Variants in MTR observed in about 807,000 individuals in gnomAD.
MTR encodes 5-methyltetrahydrofolate-homocysteine methyltransferase.
Under a neutral mutation model 154.8 loss-of-function variants are expected in MTR, and 84 were observed. The observed-to-expected ratio is 0.54, with a 90% CI of 0.45 to 0.65. MTR has a LOEUF of 0.65. MTR is among the 30% of genes least tolerant of loss of function. The pLI, the probability that MTR is intolerant of heterozygous loss-of-function variation, is 0.00. For synonymous variants in MTR, 554 were observed against 553.9 expected, an observed-to-expected ratio of 1.00 and a Z score of 0.00; for missense variants, 1,275 against 1,570.2, an observed-to-expected ratio of 0.81 and a Z score of 3.18.
chr1:236,802,685 A>G (rs941475000), intron 1 of MTR, among the ~76,000 whole-genome samples: 2 of 152,142 alleles, frequency 1.3e-5, no homozygotes, highest in African/African-American at 4.8e-5. Flanking sequence ...TGCTAAAAAA[A>G]AAAGTAGAAA....
chr1:236,876,480 G>T (rs1382660882), intron 24 of MTR, among the ~76,000 whole-genome samples: 1 of 152,046 alleles, frequency 6.6e-6, no homozygotes, highest in East Asian at 1.9e-4. Context: ...GAGGACCTAT[G>T]GACTGTTGTC....
At chr1:236,815,984 C>T (rs1572202350) in intron 7 of MTR, among the ~76,000 whole-genome samples, 1 of 152,300 alleles carries the variant, frequency 6.6e-6, no homozygotes, top group East Asian at 1.9e-4. Context: ...ATGCTGATGG[C>T]CACATACCCA....
chr1:236,895,661 A>G (rs1666584226), intron 31 of MTR, 111 bp downstream of exon 31: 1 of 1,138,072 alleles, frequency 8.8e-7, no homozygotes, highest in Non-Finnish European at 1.3e-6. Flanking sequence ...GCTTCTAATC[A>G]CATTGTCCCT....
At chr1:236,795,793 G>T in intron 1 of MTR, 56 bp downstream of exon 1, 2 of 1,612,962 alleles carry the variant, frequency 1.2e-6, no homozygotes, top group Non-Finnish European at 1.7e-6. Context: ...TCGTGCTGTG[G>T]CCTCCTAATC....
At chr1:236,825,547 G>A in intron 10 of MTR, 148 bp downstream of exon 10, 1 of 815,152 alleles carries the variant, frequency 1.2e-6, no homozygotes, top group Non-Finnish European at 2.1e-6. Flanking sequence ...TAAGGTACTA[G>A]AGGCACAGGG....
chr1:236,808,452 T>C (rs1390884379), intron 3 of MTR, among the ~76,000 whole-genome samples: 1 of 152,184 alleles, frequency 6.6e-6, no homozygotes, highest in Non-Finnish European at 1.5e-5. Context: ...GTCTAGGGAT[T>C]GCCCTTTTTA....
At chr1:236,812,949 T>A in intron 6 of MTR, 105 bp downstream of exon 6, 1 of 888,124 alleles carries the variant, frequency 1.1e-6, no homozygotes. Flanking sequence ...TTAAATAAAT[T>A]ACCTGTATTT....
chr1:236,805,582 C>T (rs1218974631), intron 2 of MTR, among the ~76,000 whole-genome samples: 1 of 152,134 alleles, frequency 6.6e-6, no homozygotes, highest in Non-Finnish European at 1.5e-5. Flanking sequence ...CTCACTTGAA[C>T]CTCTGGGCCC....
intron 2 of MTR, among the ~76,000 whole-genome samples, chr1:236,804,085 A>G (rs1205700954): frequency 1.3e-5 from 2 of 152,216 alleles, no homozygotes; most frequent in Admixed American, 6.5e-5. Flanking sequence ...TCCACAGTCA[A>G]AGTGCCAGCA....
chr1:236,868,382 CT>C (rs1664938160), intron 22 of MTR, among the ~76,000 whole-genome samples: 1 of 152,068 alleles, frequency 6.6e-6, no homozygotes, highest in Non-Finnish European at 1.5e-5. Flanking sequence ...GTGAACATAA[CT>C]TTTATATGCA....
In MTR at chr1:236,900,008, C is replaced by A; in HGVS notation, c.*2364C>A. On this transcript the variant is annotated 3_prime_UTR_variant, in exon 33 of 33. Coordinates refer to ENST00000366577, the MANE Select transcript of MTR (RefSeq NM_000254.3). ...CACCACTGCTTTAAAAAACAATTAT[C>A]CCTTACAGACTTGAACATTTGCAGA... 2 of 211,804 alleles carry A rather than the reference C, an allele frequency of 9.4e-6. No homozygotes were observed. The highest frequency in any genetic ancestry group is 1.4e-4 in the South Asian group (2 of 14,306). The allele number at this position is 211,804 out of a possible 1,614,324, so 13.1% of individuals were successfully genotyped here.
At chr1:236,809,214 T>C (rs188458181) in intron 4 of MTR, among the ~76,000 whole-genome samples, 177 of 152,338 alleles carry the variant, frequency 1.2e-3, no homozygotes, top group African/African-American at 3.8e-3. Flanking sequence ...GGTAAAGATA[T>C]TGCCTTTCAA....
At chr1:236,809,504 A>C (rs930185998) in intron 4 of MTR, among the ~76,000 whole-genome samples, 2 of 152,270 alleles carry the variant, frequency 1.3e-5, no homozygotes, top group Non-Finnish European at 2.9e-5. Flanking sequence ...CATACTAATG[A>C]AGACCAAAGC....
intron 15 of MTR, among the ~76,000 whole-genome samples, chr1:236,849,178 C>G (rs1335514745): frequency 6.6e-6 from 1 of 152,168 alleles, no homozygotes; most frequent in Non-Finnish European, 1.5e-5. Flanking sequence ...GATCTGAAGA[C>G]AGTTTCCATG....
At chr1:236,881,919 A>G (rs1022079064) in intron 25 of MTR, among the ~76,000 whole-genome samples, 1 of 152,042 alleles carries the variant, frequency 6.6e-6, no homozygotes, top group African/African-American at 2.4e-5. Context: ...GAGATTAGGA[A>G]CTCTGCTGAG....
At chr1:236,797,232 C>T (rs1267001763) in intron 1 of MTR, among the ~76,000 whole-genome samples, 1 of 152,142 alleles carries the variant, frequency 6.6e-6, no homozygotes, top group East Asian at 1.9e-4. Flanking sequence ...GGATTAGAAT[C>T]AGGTTTTAAC....
chr1:236,803,657 G>A lies in MTR; in HGVS notation c.249+15G>A. ...AAATCCATAAGGTAAAGTATTCCCAGGTTCCCATGTGTATTCATTCTGTTA... is the reference window on the plus strand; with the variant it reads ...AAATCCATAAGGTAAAGTATTCCCAAGTTCCCATGTGTATTCATTCTGTTA... On this transcript the variant is annotated intron_variant, in intron 2 of 32. Transcript: ENST00000366577. The A allele has an allele frequency of 6.2e-7, 1 of 1,609,350 alleles. No individual in the cohort carries two copies.
At chr1:236,841,966 C>T (rs1194831523) in intron 15 of MTR, among the ~76,000 whole-genome samples, 6 of 151,574 alleles carry the variant, frequency 4.0e-5, no homozygotes, top group Admixed American at 3.9e-4. Flanking sequence ...TCTTGGCTCA[C>T]TGCAGGCTCC....
At position 236,816,508 on chromosome 1, in the gene MTR, A is replaced by T. The variant is rs764135185; in HGVS notation, c.729A>T (p.Gly243=). ...GRTLSGQTGE[G]FVISVSHGEP... ...CTCTTTCCGGACAGACAGGAGAGGG[A>T]TTTGTCATCAGCGTGTCTCATGGAG... The change falls in exon 8 of 33, where the codon GGA becomes GGT. Residue 243 remains glycine (G), a synonymous_variant. Transcript: ENST00000366577. 2 of 1,614,024 alleles carry T rather than the reference A, an allele frequency of 1.2e-6. No individual in the cohort carries two copies. The highest frequency in any genetic ancestry group is 1.3e-5 in the African/African-American group (1 of 75,012).
Sources: allele counts gnomAD v4.1 joint callset (sites outside exome capture counted in the v4.1 genomes callset), GRCh38; gene constraint gnomAD v4.1.1; transcripts MANE v1.5; gene names NCBI Gene and HGNC (gene_info 2026-07-23, HGNC 2026-07-21).